The following IMMP1L variants were observed in gnomAD, a reference collection of about 807,000 sequenced individuals.
The protein encoded by IMMP1L is inner mitochondrial membrane peptidase subunit 1, also known as mitochondrial inner membrane protease subunit 1.
A neutral mutation model predicts 21.8 loss-of-function variants in IMMP1L; 24 were observed. The ratio of observed to expected loss-of-function variants is 1.10; its 90% confidence interval spans 0.80 to 1.55. The LOEUF is 1.55. Among genes scored for constraint, IMMP1L ranks in the 40% most tolerant of loss-of-function variants. The pLI is 0.00. For synonymous variants in IMMP1L, 46 were observed against 62.8 expected (o/e 0.73, Z 1.26); for missense variants, 195 against 200.7 (o/e 0.97, Z 0.17).
chr11:31,496,659 T>C (rs1377885043), intron 1 of IMMP1L, among the ~76,000 whole-genome samples: 3 of 150,932 alleles, frequency 2.0e-5, no homozygotes, highest in African/African-American at 4.8e-5. Flanking sequence ...TGTTATCTTA[T>C]ATATATGTTA....
intron 1 of IMMP1L, among the ~76,000 whole-genome samples, 190 bp from the exon 2 acceptor site, chr11:31,463,495 G>A (rs541790326): frequency 6.6e-6 from 1 of 152,044 alleles, no homozygotes; most frequent in Admixed American, 6.6e-5. Flanking sequence ...TAAATATTTT[G>A]ATTTACCAAA....
chr11:31,452,582 G>C (rs1017558268), intron 4 of IMMP1L: 7 of 985,456 alleles, frequency 7.1e-6, no homozygotes, highest in Non-Finnish European at 8.4e-6. Flanking sequence ...AGAATATACA[G>C]AAAGGCAACA....
At chr11:31,468,807 A>G (rs1415000538) in intron 1 of IMMP1L, among the ~76,000 whole-genome samples, 1 of 152,192 alleles carries the variant, frequency 6.6e-6, no homozygotes, top group Admixed American at 6.5e-5. Flanking sequence ...ACTTTCTTTA[A>G]GATGAATCAG....
intron 3 of IMMP1L, 42 bp downstream of exon 3, chr11:31,460,584 T>TA: frequency 8.3e-7 from 1 of 1,211,866 alleles, no homozygotes; most frequent in Non-Finnish European, 1.2e-6. Flanking sequence ...TGTGTGTGTG[T>TA]ATTTTCACTG....
intron 4 of IMMP1L, 118 bp downstream of exon 4, chr11:31,456,142 C>A: frequency 1.6e-6 from 1 of 619,372 alleles, no homozygotes; most frequent in South Asian, 3.2e-5. Flanking sequence ...TTAAATTCTA[C>A]TGGATGCCCT....
chr11:31,439,512 T>A (rs150601916), intron 4 of IMMP1L, among the ~76,000 whole-genome samples: 1 of 152,200 alleles, frequency 6.6e-6, no homozygotes, highest in Non-Finnish European at 1.5e-5. Flanking sequence ...TCTCTGCTAA[T>A]TCCATAATTT....
intron 4 of IMMP1L, among the ~76,000 whole-genome samples, chr11:31,447,764 T>G (rs935439196): frequency 3.3e-5 from 5 of 152,216 alleles, no homozygotes; most frequent in African/African-American, 1.2e-4. Context: ...ATTTAACATC[T>G]TTAGCCATTT....
chr11:31,489,215 T>A (rs1955178593), intron 1 of IMMP1L, among the ~76,000 whole-genome samples: 1 of 152,142 alleles, frequency 6.6e-6, no homozygotes, highest in African/African-American at 2.4e-5. Flanking sequence ...TTATTTTTAT[T>A]TGAAATGTTA....
intron 1 of IMMP1L, among the ~76,000 whole-genome samples, chr11:31,498,408 A>G (rs1241452441): frequency 6.6e-6 from 1 of 152,170 alleles, no homozygotes; most frequent in African/African-American, 2.4e-5. Context: ...TGCCCTGGAG[A>G]AACAAAGAGG....
At chr11:31,477,623 A>C (rs962261827) in intron 1 of IMMP1L, 1 of 839,894 alleles carries the variant, frequency 1.2e-6, no homozygotes, top group South Asian at 5.4e-5. Flanking sequence ...TGCCAGTTAT[A>C]GCGCCAGGTG....
At chr11:31,499,376 C>CAAAAG (rs1401370518) in intron 1 of IMMP1L, among the ~76,000 whole-genome samples, 2 of 151,396 alleles carry the variant, frequency 1.3e-5, no homozygotes, top group Non-Finnish European at 2.9e-5. Context: ...AAAAACAAAA[C>CAAAAG]AAAACAAAAC....
intron 4 of IMMP1L, among the ~76,000 whole-genome samples, chr11:31,437,801 T>C (rs1257158759): frequency 6.6e-6 from 1 of 152,224 alleles, no homozygotes; most frequent in Non-Finnish European, 1.5e-5. Flanking sequence ...TTTCTGTTAC[T>C]AGATAGTAGT....
intron 4 of IMMP1L, chr11:31,453,155 G>C (rs1347016463): frequency 8.0e-7 from 1 of 1,248,628 alleles, no homozygotes; most frequent in East Asian, 5.7e-5. Flanking sequence ...TTAAAACTCT[G>C]GAATGGAAAA....
intron 4 of IMMP1L, chr11:31,452,216 C>G (rs1953779800): frequency 1.0e-6 from 1 of 984,718 alleles, no homozygotes; most frequent in African/African-American, 1.7e-5. Context: ...GATTTTACAA[C>G]ATGTTTGTTG....
chr11:31,447,714 T>G (rs1197949902), intron 4 of IMMP1L, among the ~76,000 whole-genome samples: 1 of 152,234 alleles, frequency 6.6e-6, no homozygotes, highest in Admixed American at 6.5e-5. Flanking sequence ...ACGTCCAGAT[T>G]GGCAGTGCAA....
At chr11:31,451,178 G>C (rs1032524418) in intron 4 of IMMP1L, among the ~76,000 whole-genome samples, 5 of 152,118 alleles carry the variant, frequency 3.3e-5, no homozygotes, top group South Asian at 2.1e-4. Context: ...CCACCATAAG[G>C]CCTATGGCTT....
intron 4 of IMMP1L, among the ~76,000 whole-genome samples, chr11:31,444,378 TTTTAC>T (rs1223383147): frequency 2.0e-5 from 3 of 152,182 alleles, no homozygotes; most frequent in Non-Finnish European, 4.4e-5. Flanking sequence ...TGCTTTGCTA[TTTTAC>T]TTTATGTTTC....
intron 1 of IMMP1L, among the ~76,000 whole-genome samples, chr11:31,499,938 TTAAATAAATAAATAAATAAATAAA>T (rs34485904): frequency 7.1e-6 from 1 of 140,140 alleles, no homozygotes; most frequent in Non-Finnish European, 1.5e-5. Context: ...GGCTAACTTC[TTAAATAAATAAATAAATAAATAAA>T]TAAATAAATA....
At chr11:31,502,462 C>T (rs549530203) in intron 1 of IMMP1L, among the ~76,000 whole-genome samples, 47 of 152,300 alleles carry the variant, frequency 3.1e-4, no homozygotes, top group African/African-American at 1.1e-3. Flanking sequence ...TTCACTCTAA[C>T]ACTACCCATT....
Sources: gnomAD v4.1 joint callset for allele counts (sites outside exome capture counted in the v4.1 genomes callset) on GRCh38, gnomAD v4.1.1 for gene constraint, MANE v1.5 for transcripts, NCBI Gene and HGNC (gene_info 2026-07-23, HGNC 2026-07-21) for gene names.